The following RIN3 variants were observed in gnomAD, a reference collection of about 807,000 sequenced individuals.
The protein encoded by RIN3 is Ras and Rab interactor 3, also known as RAB5 interacting protein 3.
A neutral mutation model predicts 76.3 loss-of-function variants in RIN3; 54 were observed. The ratio of observed to expected loss-of-function variants is 0.71; its 90% CI spans 0.57 to 0.89. RIN3 has a LOEUF of 0.89. RIN3 is among the 40% of genes least tolerant of loss of function. The pLI is 0.00. For synonymous variants in RIN3, 576 were observed against 564.0 expected, an observed-to-expected ratio of 1.02 and a Z score of -0.30; for missense variants, 1,256 against 1,322.1, an observed-to-expected ratio of 0.95 and a Z score of 0.78.
At position 92,537,634 on chromosome 14, in the gene RIN3, C is replaced by CTTTTTTTTTTTTTTTTTTTTTT. The variant is rs576683908; in HGVS notation, c.45-18111_45-18090dup. On this transcript the variant is annotated intron_variant, in intron 1 of 9. Transcript: ENST00000216487. ...CAGCTATAAGTGAGTGCCTTAGGGACTTTTTTTTTTTTTTTTTTTTTTTTT... is the reference window on the plus strand; with the variant it reads ...CAGCTATAAGTGAGTGCCTTAGGGACTTTTTTTTTTTTTTTTTTTTTTTTTTTTTTTTTTTTTTTTTTTTTTT... Among the ~76,000 whole-genome samples, 15 of 51,636 alleles carry CTTTTTTTTTTTTTTTTTTTTTT rather than the reference C, an allele frequency of 2.9e-4. 1 individual carries two copies. The highest frequency in any genetic ancestry group is 1.6e-3 in the East Asian group (2 of 1,264). 33.9% of individuals were successfully genotyped at this position (51,636 alleles called of 152,430 possible). A position where few individuals can be genotyped will look rare whatever the true frequency, so the allele number is the denominator to read the frequency against.
intron 4 of RIN3, among the ~76,000 whole-genome samples, chr14:92,619,377 A>C (rs752270793): frequency 1.4e-4 from 22 of 152,088 alleles, no homozygotes; most frequent in African/African-American, 2.2e-4. Context: ...TACAAAAAAA[A>C]ACACACACAC....
chr14:92,582,459 T>TTG, intron 3 of RIN3, among the ~76,000 whole-genome samples: 1 of 137,178 alleles, frequency 7.3e-6, no homozygotes, highest in South Asian at 2.3e-4. Context: ...TTTTTTTTTT[T>TTG]TTCCCTGAGA....
intron 8 of RIN3, among the ~76,000 whole-genome samples, chr14:92,683,134 T>G (rs1288125709): frequency 1.3e-5 from 2 of 151,824 alleles, no homozygotes; most frequent in Non-Finnish European, 2.9e-5. Flanking sequence ...GCCATTGCAC[T>G]GCAGCCTGGG....
At chr14:92,562,597 A>G (rs1897807039) in intron 2 of RIN3, among the ~76,000 whole-genome samples, 1 of 152,120 alleles carries the variant, frequency 6.6e-6, no homozygotes, top group African/African-American at 2.4e-5. Flanking sequence ...TTGTTGCTCA[A>G]AGTTTTCCAA....
chr14:92,525,265 G>A (rs754352058), intron 1 of RIN3, among the ~76,000 whole-genome samples: 4 of 152,212 alleles, frequency 2.6e-5, no homozygotes, highest in Admixed American at 6.5e-5. Context: ...ATGGGCGCTC[G>A]CCCCTGATGC....
At chr14:92,631,400 A>T (rs1258607255) in intron 4 of RIN3, among the ~76,000 whole-genome samples, 1 of 152,070 alleles carries the variant, frequency 6.6e-6, no homozygotes, top group African/African-American at 2.4e-5. Flanking sequence ...CCCCAGAAAT[A>T]AAAAAAAGAC....
intron 1 of RIN3, among the ~76,000 whole-genome samples, chr14:92,522,291 G>A (rs1174641345): frequency 2.6e-5 from 4 of 151,924 alleles, no homozygotes; most frequent in South Asian, 2.1e-4. Context: ...TTGTGAGACC[G>A]GTGGGGGGCT....
intron 4 of RIN3, among the ~76,000 whole-genome samples, chr14:92,637,053 C>A (rs1046599695): frequency 6.6e-6 from 1 of 151,988 alleles, no homozygotes; most frequent in Non-Finnish European, 1.5e-5. Flanking sequence ...TCGTGGAAGA[C>A]AATTTTTCCA....
chr14:92,611,002 C>T (rs559815656), intron 3 of RIN3, among the ~76,000 whole-genome samples: 62 of 152,246 alleles, frequency 4.1e-4, no homozygotes, highest in African/African-American at 1.4e-3. Flanking sequence ...GTGGTGTAGT[C>T]GCTTCTTATG....
chr14:92,679,110 A>G (rs1888577900), intron 8 of RIN3, among the ~76,000 whole-genome samples: 3 of 152,350 alleles, frequency 2.0e-5, no homozygotes, highest in Admixed American at 6.5e-5. Flanking sequence ...GGGCTACTTC[A>G]AGTATTTGGA....
intron 2 of RIN3, among the ~76,000 whole-genome samples, chr14:92,572,415 C>T (rs936528583): frequency 1.4e-4 from 22 of 152,214 alleles, no homozygotes; most frequent in Non-Finnish European, 1.6e-4. Context: ...GAGATGTAAT[C>T]GAGAAGATGC....
Position 92,659,541 on chromosome 14 carries a change from G to A in RIN3, c.2335+72G>A, listed in dbSNP as rs745440463. 9.3e-6 allele frequency: 13 copies of A among 1,397,000 alleles called. No homozygotes were observed. The African/African-American group carries it at 1.9e-4, about 20-fold the overall frequency. The allele number at this position is 1,397,000 out of a possible 1,614,324, so 86.5% of individuals were successfully genotyped here. A position where few individuals can be genotyped will look rare whatever the true frequency, so the allele number is the denominator to read the frequency against. ...TGGGTCCATGACCCCACCCTGACCAGGACTCCAGAGCCCTTGGAAGGCCCC... is the reference window on the plus strand; with the variant it reads ...TGGGTCCATGACCCCACCCTGACCAAGACTCCAGAGCCCTTGGAAGGCCCC... On this transcript the variant is annotated intron_variant, in intron 7 of 9. Transcript: ENST00000216487.
chr14:92,672,129 C>T (rs373209132), intron 7 of RIN3, among the ~76,000 whole-genome samples: 33 of 152,090 alleles, frequency 2.2e-4, no homozygotes, highest in African/African-American at 7.2e-4. Flanking sequence ...TGGGGCCGGG[C>T]GTGCGGCGGC....
intron 4 of RIN3, among the ~76,000 whole-genome samples, chr14:92,635,304 C>T (rs1886735589): frequency 6.6e-6 from 1 of 152,188 alleles, no homozygotes; most frequent in African/African-American, 2.4e-5. Context: ...CAGGAGGGCA[C>T]CATGAGGACA....
chr14:92,597,936 A>T (rs1201054427), intron 3 of RIN3, among the ~76,000 whole-genome samples: 1 of 152,238 alleles, frequency 6.6e-6, no homozygotes, highest in Non-Finnish European at 1.5e-5. Flanking sequence ...TTTAATCTGC[A>T]TATCATCCCT....
chr14:92,637,928 G>C (rs1004965697), intron 4 of RIN3, among the ~76,000 whole-genome samples: 1 of 152,132 alleles, frequency 6.6e-6, no homozygotes, highest in African/African-American at 2.4e-5. Context: ...TAACCTCCCT[G>C]AGCCTCTGTG....
chr14:92,687,815 A>C (rs1373000452), intron 9 of RIN3, 111 bp from the exon 10 acceptor site: 2 of 988,828 alleles, frequency 2.0e-6, no homozygotes, highest in African/African-American at 3.5e-5. Flanking sequence ...GGACTCGCAG[A>C]CAGCTTGGCG....
At chr14:92,647,004 G>C (rs565179711) in intron 5 of RIN3, among the ~76,000 whole-genome samples, 1 of 152,322 alleles carries the variant, frequency 6.6e-6, no homozygotes, top group East Asian at 1.9e-4. Context: ...CAGTCCGCTG[G>C]ATGATCTTGT....
chr14:92,546,260 T>C (rs908336042), intron 1 of RIN3, among the ~76,000 whole-genome samples: 5 of 152,192 alleles, frequency 3.3e-5, no homozygotes, highest in Admixed American at 2.6e-4. Context: ...ATAATAGGTG[T>C]ACATATTTTG....
Sources: gnomAD v4.1 joint callset for allele counts (sites outside exome capture counted in the v4.1 genomes callset) on GRCh38, gnomAD v4.1.1 for gene constraint, MANE v1.5 for transcripts, NCBI Gene and HGNC (gene_info 2026-07-23, HGNC 2026-07-21) for gene names.